PDZRN3: variants seen among roughly 807,000 people sequenced by gnomAD.
PDZRN3 encodes PDZ domain containing ring finger 3, also known as E3 ubiquitin-protein ligase PDZRN3.
In PDZRN3, 38 loss-of-function variants were observed where a neutral mutation model predicts 85.7. The observed-to-expected ratio is 0.44, with a 90% CI of 0.34 to 0.58. The LOEUF is 0.58. Ranked by LOEUF, PDZRN3 falls within the 20% of genes least tolerant of loss-of-function variation. The probability of loss-of-function intolerance (pLI) is 0.01; values close to 1 mark genes in which losing one functional copy is unlikely to be tolerated. For missense variants in PDZRN3, 1,629 were observed against 1,506.4 expected, an observed-to-expected ratio of 1.08 and a Z score of -1.35; for synonymous variants, 759 against 638.0, an observed-to-expected ratio of 1.19 and a Z score of -2.86.
intron 3 of PDZRN3, among the ~76,000 whole-genome samples, chr3:73,502,576 T>G (rs1704000668): frequency 6.6e-6 from 1 of 152,342 alleles, no homozygotes; most frequent in East Asian, 1.9e-4. Context: ...CTCCCTTGCC[T>G]TACCCATAAG....
chr3:73,604,327 G>A (rs1256647416), intron 2 of PDZRN3, among the ~76,000 whole-genome samples: 1 of 152,160 alleles, frequency 6.6e-6, no homozygotes, highest in Non-Finnish European at 1.5e-5. Flanking sequence ...CATAGTGAGT[G>A]CTCTATGTGC....
intron 2 of PDZRN3, among the ~76,000 whole-genome samples, chr3:73,605,254 ATTC>A (rs1702580933): frequency 6.6e-6 from 1 of 151,590 alleles, no homozygotes; most frequent in South Asian, 2.1e-4. Flanking sequence ...GCATCTCTTT[ATTC>A]TTAGTTTGTT....
intron 3 of PDZRN3, among the ~76,000 whole-genome samples, chr3:73,571,323 T>C (rs981416595): frequency 4.6e-5 from 7 of 152,220 alleles, no homozygotes; most frequent in Non-Finnish European, 1.0e-4. Flanking sequence ...TATTCAGTAT[T>C]CCCACCATAA....
chr3:73,624,639 T>C lies in PDZRN3; in HGVS notation c.187A>G (p.Lys63Glu). 6.4e-7 allele frequency: 1 copy of C among 1,553,126 alleles called. No homozygotes were observed. The highest frequency in any genetic ancestry group is 8.7e-7 in the Non-Finnish European group (1 of 1,153,220). The change falls in exon 1 of 10, where the codon AAA becomes GAA. Residue 63 changes from lysine to glutamate, a missense_variant. Coordinates refer to ENST00000263666, the MANE Select transcript of PDZRN3 (RefSeq NM_015009.3). The stretch of plus-strand genomic sequence containing the variant: ...AGCGGCAGGACGTGGTTGAGCTCTT[T>C]GGCCGACAGGCGACCGCGGCAGCGC... The part of the protein sequence containing the change: ...PARCRGRLSA[K>E]ELNHVLPLKR...
At chr3:73,604,155 C>T (rs1175420504) in intron 2 of PDZRN3, among the ~76,000 whole-genome samples, 1 of 152,190 alleles carries the variant, frequency 6.6e-6, no homozygotes, top group Non-Finnish European at 1.5e-5. Context: ...CACACTAACC[C>T]TTTACCATCT....
chr3:73,404,422 A>C (rs374556108), intron 3 of PDZRN3, 27 bp from the exon 4 acceptor site: 19 of 1,603,328 alleles, frequency 1.2e-5, no homozygotes, highest in Non-Finnish European at 1.5e-5. Context: ...AGGGTGGGAC[A>C]AGGTTAGAAT....
At chr3:73,442,413 T>C (rs1052348108) in intron 3 of PDZRN3, among the ~76,000 whole-genome samples, 6 of 151,960 alleles carry the variant, frequency 3.9e-5, no homozygotes, top group Non-Finnish European at 7.4e-5. Flanking sequence ...GAACAAGTGA[T>C]AGGATGAAGA....
Position 73,383,579 on chromosome 3 carries a change from A to G in PDZRN3, c.2987T>C (p.Met996Thr), listed in dbSNP as rs1313160479. 6.2e-7 allele frequency: 1 copy of G among 1,614,126 alleles called. No individual in the cohort carries two copies. Among genetic ancestry groups the G allele is most frequent in the Admixed American group, 1.7e-5 (1 of 60,026 alleles). ...KEQRRRREFM[M>T]QSRLDCLKEQ... The stretch of plus-strand genomic sequence containing the variant: ...CTTGAGACAATCCAACCTGCTCTGC[A>G]TCATGAACTCGCGCCGCCGCCGCTG... The change falls in exon 10 of 10, where the codon ATG (methionine) becomes ACG (threonine). Residue 996 changes from methionine to threonine, a missense_variant. Coordinates refer to ENST00000263666, the MANE Select transcript of PDZRN3 (RefSeq NM_015009.3).
chr3:73,416,631 A>G (rs1702087131), intron 3 of PDZRN3, among the ~76,000 whole-genome samples: 1 of 152,148 alleles, frequency 6.6e-6, no homozygotes. Flanking sequence ...GGAAGGTTGG[A>G]TGCAGAAGGA....
intron 3 of PDZRN3, among the ~76,000 whole-genome samples, chr3:73,435,861 C>T (rs1702521164): frequency 6.6e-6 from 1 of 152,182 alleles, no homozygotes; most frequent in Non-Finnish European, 1.5e-5. Context: ...CACTTCCCAT[C>T]ACTCTTGGAT....
In PDZRN3 at chr3:73,483,600, G is replaced by A. The variant is rs146102416; in HGVS notation, c.919-79205C>T. On this transcript the variant is annotated intron_variant, in intron 3 of 9. Transcript: ENST00000263666. ...TATTTTTTAAGTGGCATATATGGAAGTGACATAAATTAATTGCATATGCTA... is the reference window on the plus strand; with the variant it reads ...TATTTTTTAAGTGGCATATATGGAAATGACATAAATTAATTGCATATGCTA... 2.0e-5 allele frequency among the ~76,000 whole-genome samples: 3 copies of A among 152,328 alleles called. No individual in the cohort carries two copies. The East Asian group carries it at 5.8e-4, about 29-fold the overall frequency.
At chr3:73,486,399 G>A (rs199515848) in intron 3 of PDZRN3, among the ~76,000 whole-genome samples, 1 of 150,634 alleles carries the variant, frequency 6.6e-6, no homozygotes, top group Non-Finnish European at 1.5e-5. Context: ...GAGGTGGAAG[G>A]AAAAAAAAAT....
rs771252593 is a variant in PDZRN3, at chr3:73,384,810, G to T, written c.1756C>A (p.Gln586Lys). ...GTGGCGTCGTCGCCATTGTTCTCTT[G>T]CTCCGAGCTCTCGTCATTACGGGTG... Reference protein sequence around the residue: ...ESTRNDESSEQENNGDDATAS... With the variant: ...ESTRNDESSEKENNGDDATAS... Residue 586 changes from glutamine to lysine, a missense_variant, in exon 10 of 10, where the codon CAA becomes AAA. Physicochemically the swap from Gln to Lys is moderately conservative, Grantham distance 53 (BLOSUM62 1). Transcript: ENST00000263666. 1 of 1,614,036 alleles carries T rather than the reference G, an allele frequency of 6.2e-7. No individual in the cohort carries two copies.
chr3:73,515,520 C>T (rs577010961), intron 3 of PDZRN3, among the ~76,000 whole-genome samples: 1 of 152,270 alleles, frequency 6.6e-6, no homozygotes, highest in South Asian at 2.1e-4. Flanking sequence ...TGCTTCTCTC[C>T]CAACTCCAAA....
chr3:73,401,805 G>T (rs1416269271), intron 4 of PDZRN3: 16 of 152,160 alleles, frequency 1.1e-4, no homozygotes, highest in Admixed American at 9.2e-4. Context: ...AACAGTCCAC[G>T]GTGCCAGATG....
At chr3:73,534,206 C>T (rs1006920523) in intron 3 of PDZRN3, among the ~76,000 whole-genome samples, 9 of 152,168 alleles carry the variant, frequency 5.9e-5, no homozygotes, top group African/African-American at 2.2e-4. Context: ...AAGCAGGGCT[C>T]CTGCTTGTCT....
intron 3 of PDZRN3, among the ~76,000 whole-genome samples, chr3:73,538,052 T>C (rs1351645985): frequency 1.3e-5 from 2 of 152,148 alleles, no homozygotes; most frequent in Non-Finnish European, 2.9e-5. Context: ...CTTTGTCACA[T>C]CTTGAGTGAG....
At chr3:73,390,149 G>A (rs918903983) in intron 6 of PDZRN3, among the ~76,000 whole-genome samples, 7 of 152,144 alleles carry the variant, frequency 4.6e-5, no homozygotes, top group African/African-American at 1.4e-4. Context: ...AGGCACAGCT[G>A]ACTTTTGTTG....
At chr3:73,555,768 C>T (rs1189576278) in intron 3 of PDZRN3, among the ~76,000 whole-genome samples, 1 of 152,084 alleles carries the variant, frequency 6.6e-6, no homozygotes, top group East Asian at 1.9e-4. Context: ...TCAATGGTAA[C>T]CTTGGTTTTC....
Sources: gnomAD v4.1 joint callset for allele counts (sites outside exome capture counted in the v4.1 genomes callset) on GRCh38, gnomAD v4.1.1 for gene constraint, MANE v1.5 for transcripts, NCBI Gene and HGNC (gene_info 2026-07-23, HGNC 2026-07-21) for gene names.